Variants in MGMT observed in about 807,000 individuals in gnomAD.
The protein encoded by MGMT is methylated-DNA--protein-cysteine methyltransferase.
A neutral mutation model predicts 15.9 loss-of-function variants in MGMT; 14 were observed. The observed-to-expected ratio is 0.88, with a 90% confidence interval of 0.58 to 1.37. The LOEUF (loss-of-function observed/expected upper bound fraction) is 1.37. Ranked by LOEUF, MGMT falls within the 40% of genes most tolerant of loss-of-function variation. The pLI, the probability that MGMT is intolerant of heterozygous loss-of-function variation, is 0.00. For synonymous variants in MGMT, 130 were observed against 118.2 expected (o/e 1.10, Z -0.65); for missense variants, 282 against 268.1 (o/e 1.05, Z -0.36).
chr10:129,606,321 A>G (rs1846890325), intron 2 of MGMT, among the ~76,000 whole-genome samples: 1 of 152,180 alleles, frequency 6.6e-6, no homozygotes, highest in Non-Finnish European at 1.5e-5. Flanking sequence ...CAAAATTTGT[A>G]TGTCGTTAAC....
chr10:129,731,913 G>GTCACA (rs1159404857), intron 3 of MGMT, among the ~76,000 whole-genome samples: 1 of 152,094 alleles, frequency 6.6e-6, no homozygotes, highest in Non-Finnish European at 1.5e-5. Context: ...CCGTTGTGTT[G>GTCACA]TCACATCACG....
intron 3 of MGMT, among the ~76,000 whole-genome samples, chr10:129,738,535 G>A (rs988526936): frequency 2.0e-5 from 3 of 152,236 alleles, no homozygotes; most frequent in Admixed American, 1.3e-4. Context: ...CACACTGGGA[G>A]CTGTAGACCA....
intron 2 of MGMT, among the ~76,000 whole-genome samples, chr10:129,658,959 G>C (rs1173418360): frequency 1.3e-5 from 2 of 152,128 alleles, no homozygotes; most frequent in Non-Finnish European, 2.9e-5. Context: ...TCCATCTGTG[G>C]CATAGGTACC....
In MGMT at chr10:129,532,052, G is replaced by C. The variant is rs929944998; in HGVS notation, c.-12-4189G>C. Among the ~76,000 whole-genome samples the C allele has an allele frequency of 6.6e-6, 1 of 152,162 alleles. No individual in the cohort carries two copies. Among genetic ancestry groups the C allele is most frequent in the African/African-American group, 2.4e-5 (1 of 41,442 alleles). On this transcript the variant is annotated intron_variant, in intron 1 of 4. Coordinates refer to ENST00000651593, the MANE Select transcript of MGMT (RefSeq NM_002412.5). This position sits in a 1 kb window ranked among gnomAD's most constrained non-coding sequence, Gnocchi z 5.3. Reference sequence around the variant, plus strand: ...TTCGGTTCTTGGAATGATTTGGATGGAGCTCACCTGGTCCCCCCAGCTCCC... The same window carrying C: ...TTCGGTTCTTGGAATGATTTGGATGCAGCTCACCTGGTCCCCCCAGCTCCC...
intron 1 of MGMT, among the ~76,000 whole-genome samples, chr10:129,504,259 A>T (rs966900528): frequency 3.3e-5 from 5 of 152,228 alleles, no homozygotes; most frequent in Non-Finnish European, 7.3e-5. Context: ...TGTTTATTGG[A>T]CATTCATCAT....
intron 4 of MGMT, among the ~76,000 whole-genome samples, chr10:129,764,871 G>T (rs992841469): frequency 1.3e-5 from 2 of 152,212 alleles, no homozygotes; most frequent in African/African-American, 4.8e-5. Flanking sequence ...CAGCATCCGT[G>T]TCTGGGCCAT....
intron 1 of MGMT, among the ~76,000 whole-genome samples, chr10:129,472,482 C>T (rs1214932146): frequency 3.9e-5 from 6 of 152,162 alleles, no homozygotes; most frequent in Admixed American, 2.0e-4. Flanking sequence ...GTTTTCCCCC[C>T]AGTCCAATCC....
At chr10:129,740,666 T>C (rs1162262461) in intron 3 of MGMT, among the ~76,000 whole-genome samples, 1 of 152,078 alleles carries the variant, frequency 6.6e-6, no homozygotes, top group East Asian at 1.9e-4. Context: ...TGGTGAGCTC[T>C]CAGGGACAGC....
intron 1 of MGMT, among the ~76,000 whole-genome samples, chr10:129,491,623 T>C (rs1845469718): frequency 1.3e-5 from 2 of 152,166 alleles, no homozygotes; most frequent in South Asian, 4.1e-4. Context: ...TTGTTTTCTT[T>C]CCATTCCTTT....
chr10:129,497,844 G>A (rs1763414450), intron 1 of MGMT, among the ~76,000 whole-genome samples: 1 of 152,206 alleles, frequency 6.6e-6, no homozygotes, highest in South Asian at 2.1e-4. Flanking sequence ...GACGCGGCGA[G>A]AAGGTGCTCT....
At chr10:129,739,084 G>A (rs1265427130) in intron 3 of MGMT, among the ~76,000 whole-genome samples, 2 of 152,168 alleles carry the variant, frequency 1.3e-5, no homozygotes, top group South Asian at 4.1e-4. Flanking sequence ...TGCAGAAAAG[G>A]CCTTCAACAA....
chr10:129,625,811 A>C (rs1847141663), intron 2 of MGMT, among the ~76,000 whole-genome samples: 1 of 152,138 alleles, frequency 6.6e-6, no homozygotes, highest in African/African-American at 2.4e-5. Flanking sequence ...TCCAGTACTG[A>C]TCAGGGTTGC....
At chr10:129,657,478 AG>A (rs1847537760) in intron 2 of MGMT, among the ~76,000 whole-genome samples, 1 of 151,426 alleles carries the variant, frequency 6.6e-6, no homozygotes, top group African/African-American at 2.4e-5. Flanking sequence ...CTGGGGGTGG[AG>A]GTGGGGCAGG....
chr10:129,516,279 A>G (rs1211106983), intron 1 of MGMT, among the ~76,000 whole-genome samples: 1 of 152,224 alleles, frequency 6.6e-6, no homozygotes, highest in Non-Finnish European at 1.5e-5. Context: ...ACGTGTTGCC[A>G]CAGAGGAGCA....
intron 1 of MGMT, among the ~76,000 whole-genome samples, chr10:129,515,730 C>T (rs1240395027): frequency 1.3e-5 from 2 of 152,172 alleles, no homozygotes; most frequent in Non-Finnish European, 2.9e-5. Context: ...GGGAAGAAAG[C>T]TAGCGTGGCC....
At chr10:129,481,125 G>A (rs1319748675) in intron 1 of MGMT, among the ~76,000 whole-genome samples, 7 of 152,220 alleles carry the variant, frequency 4.6e-5, no homozygotes, top group African/African-American at 1.7e-4. Context: ...CCCTTGCGGA[G>A]GCATCCACGG....
chr10:129,594,480 A>G (rs1223477068), intron 2 of MGMT, among the ~76,000 whole-genome samples: 1 of 152,224 alleles, frequency 6.6e-6, no homozygotes, highest in Non-Finnish European at 1.5e-5. Flanking sequence ...TACTCTAGCA[A>G]AAGGCTCAGA....
intron 2 of MGMT, among the ~76,000 whole-genome samples, chr10:129,628,315 A>G (rs1305616323): frequency 3.3e-5 from 5 of 152,376 alleles, no homozygotes; most frequent in Admixed American, 2.0e-4. Context: ...TGTTTTGGAA[A>G]AAGTGGAAAA....
chr10:129,560,605 T>A (rs905766050), intron 2 of MGMT, among the ~76,000 whole-genome samples: 1 of 152,226 alleles, frequency 6.6e-6, no homozygotes, highest in Non-Finnish European at 1.5e-5. Flanking sequence ...GTGCCTACTG[T>A]GTACACAGAA....
Sources: allele counts gnomAD v4.1 joint callset (sites outside exome capture counted in the v4.1 genomes callset), GRCh38; gene constraint gnomAD v4.1.1; non-coding constraint Gnocchi (gnomAD v3.1); transcripts MANE v1.5; gene names NCBI Gene and HGNC (gene_info 2026-07-23, HGNC 2026-07-21).